The following MRC2 variants were observed in gnomAD, a reference collection of about 807,000 sequenced individuals.
The protein encoded by MRC2 is mannose receptor C-type 2, also known as C-type mannose receptor 2.
A neutral mutation model predicts 206.2 loss-of-function variants in MRC2; 84 were observed. The ratio of observed to expected loss-of-function variants is 0.41; its 90% CI spans 0.34 to 0.49. The LOEUF (loss-of-function observed/expected upper bound fraction) is 0.49, where lower values mean the gene tolerates loss of function less well. Ranked by LOEUF, MRC2 falls within the 20% of genes least tolerant of loss-of-function variation. The pLI, the probability that MRC2 is intolerant of heterozygous loss-of-function variation, is 0.31. For missense variants in MRC2, 1,676 were observed against 2,001.5 expected (o/e 0.84, Z 3.10); for synonymous variants, 798 against 800.0 (o/e 1.00, Z 0.04).
Position 62,676,525 on chromosome 17 carries a change from C to A in MRC2, c.1828C>A (p.Gln610Lys). ...EVMYTHWNRD[Q>K]PGYSRGGCVA... ...CATGTACACCCACTGGAACCGGGAC[C>A]AGCCCGGTGAGCCCCTTATTTGACT... The change falls in exon 11 of 30, where the codon CAG (glutamine) becomes AAG (lysine). Residue 610 changes from glutamine to lysine, a missense_variant. Coordinates refer to ENST00000303375, the MANE Select transcript of MRC2 (RefSeq NM_006039.5). The A allele has an allele frequency of 6.3e-7, 1 of 1,588,194 alleles. No homozygotes were observed. Among genetic ancestry groups the A allele is most frequent in the South Asian group, 1.2e-5 (1 of 86,416 alleles).
At chr17:62,639,827 G>A (rs929963034) in intron 1 of MRC2, among the ~76,000 whole-genome samples, 1 of 151,908 alleles carries the variant, frequency 6.6e-6, no homozygotes, top group Non-Finnish European at 1.5e-5. Context: ...GATTATTTAC[G>A]TAACTTTAAG....
chr17:62,681,895 G>A lies in MRC2; in HGVS notation c.2761G>A (p.Val921Ile), dbSNP rs2088972452. 2 of 1,613,970 alleles carry A rather than the reference G, an allele frequency of 1.2e-6. No individual in the cohort carries two copies. The highest frequency in any genetic ancestry group is 4.5e-5 in the East Asian group (2 of 44,884). The change falls in exon 19 of 30, where the codon GTC becomes ATC. Residue 921 changes from valine (V) to isoleucine (I), a missense_variant. Transcript: ENST00000303375. ...ISWAPGKPRP[V>I]GKDKKCVYMT... ...CTGGGCACCAGGCAAACCTCGGCCT[G>A]TCGGCAAGGACAAGAAGTGCGTGTA...
rs2089058301 is a variant in MRC2 at position 62,688,391 on chromosome 17, C to A, written c.3049C>A (p.Pro1017Thr). ...GGCCCAGCTGGTCACCATCACAAAC[C>A]CCTTAGAGCAAGGTAGGGCCAGCCT... ...QEAQLVTITN[P>T]LEQAFITASL... Residue 1017 changes from proline (P) to threonine (T), a missense_variant, in exon 21 of 30, where the codon CCC becomes ACC. By Grantham distance (38) the Pro-to-Thr change is conservative. Transcript: ENST00000303375. 4 of 1,614,122 alleles carry A rather than the reference C, an allele frequency of 2.5e-6. No homozygotes were observed. Among genetic ancestry groups the A allele is most frequent in the Non-Finnish European group, 3.4e-6 (4 of 1,180,044 alleles).
chr17:62,680,852 C>A lies in MRC2; in HGVS notation c.2526C>A (p.His842Gln), dbSNP rs1598993400. 5 of 1,613,048 alleles carry A rather than the reference C, an allele frequency of 3.1e-6. No homozygotes were observed. The East Asian group carries it at 1.1e-4, about 36-fold the overall frequency. Residue 842 changes from histidine to glutamine, a missense_variant, in exon 17 of 30, where the codon CAC (histidine) becomes CAA (glutamine). By Grantham distance (24) the His-to-Gln change is conservative. Around this residue, in one of 3 missense-constraint regions of MRC2, gnomAD observed 1,354 missense variants for 1,636.6 expected, o/e 0.83. Transcript: ENST00000303375. The surrounding 1 kb of genome is among the most constrained non-coding windows in gnomAD (Gnocchi z 4.8). ...FQEAEYKFFEHHSTWAQAQRI... is the reference protein window; with the variant it reads ...FQEAEYKFFEQHSTWAQAQRI... ...AGGCCGAGTACAAGTTCTTTGAGCA[C>A]CACTCCACGTGGGCGCAGGCGCAGC...
intron 1 of MRC2, among the ~76,000 whole-genome samples, chr17:62,638,976 T>A (rs767878942): frequency 1.1e-4 from 16 of 152,134 alleles, no homozygotes; most frequent in Non-Finnish European, 2.2e-4. Context: ...TAATTAGAAA[T>A]TTTAATTTCA....
chr17:62,647,955 C>T (rs1376350618), intron 1 of MRC2, among the ~76,000 whole-genome samples: 16 of 152,180 alleles, frequency 1.1e-4, no homozygotes, highest in Admixed American at 1.0e-3. Flanking sequence ...TTGGTCTACG[C>T]AGTGGACAGG....
At chr17:62,653,889 C>A (rs890686164) in intron 1 of MRC2, among the ~76,000 whole-genome samples, 2 of 152,010 alleles carry the variant, frequency 1.3e-5, no homozygotes, top group African/African-American at 2.4e-5. Context: ...AGCAATGCCC[C>A]CCTCGTCCAG....
At position 62,666,366 on chromosome 17, in the gene MRC2, C is replaced by G; in HGVS notation, c.695-89C>G. The stretch of plus-strand genomic sequence containing the variant: ...CCAGGGTGAGATACTGCCCCCTCCC[C>G]TACCTAGTGTAGCCTTTTGGTGGGG... On this transcript the variant is annotated intron_variant, in intron 3 of 29. Transcript: ENST00000303375. This position sits in a 1 kb window ranked among gnomAD's most constrained non-coding sequence, Gnocchi z 5.0. 6.3e-7 allele frequency: 1 copy of G among 1,595,072 alleles called. No individual in the cohort carries two copies. The highest frequency in any genetic ancestry group is 8.5e-7 in the Non-Finnish European group (1 of 1,172,598).
intron 2 of MRC2, among the ~76,000 whole-genome samples, chr17:62,665,184 G>T (rs1181874624): frequency 6.6e-6 from 1 of 152,208 alleles, no homozygotes; most frequent in African/African-American, 2.4e-5. Flanking sequence ...TGGATCACTT[G>T]AGGTCAGGAG....
chr17:62,665,087 C>G lies in MRC2; in HGVS notation c.520+138C>G, dbSNP rs1598982930. On this transcript the variant is annotated intron_variant, in intron 2 of 29. Coordinates refer to ENST00000303375, the MANE Select transcript of MRC2 (RefSeq NM_006039.5). ...TCACATGTTTAATTATAATAGGAAG[C>G]ATTTTTTAATAATTAAGAAAATTAA... 11 of 988,112 alleles carry G rather than the reference C, an allele frequency of 1.1e-5. No homozygotes were observed. The South Asian group carries it at 1.7e-4, about 15-fold the overall frequency. The allele number at this position is 988,112 out of a possible 1,614,324, so 61.2% of individuals were successfully genotyped here. A position where few individuals can be genotyped will look rare whatever the true frequency, so the allele number is the denominator to read the frequency against.
intron 1 of MRC2, among the ~76,000 whole-genome samples, chr17:62,649,381 G>A (rs1361041446): frequency 2.0e-5 from 3 of 152,092 alleles, no homozygotes; most frequent in Admixed American, 1.3e-4. Flanking sequence ...ACTTGAGGTC[G>A]GGAGTTCAAG....
In MRC2 at chr17:62,689,553, G is replaced by GC. The variant is rs748528787; in HGVS notation, c.3372dup (p.Ala1125ArgfsTer5). On this transcript the variant is annotated frameshift_variant, in exon 24 of 30. Coordinates refer to ENST00000303375, the MANE Select transcript of MRC2 (RefSeq NM_006039.5). LOFTEE classifies it high-confidence loss of function. ...CCCTGAGCCCGTCCCCAGCAGCGCT[G>GC]CCCCCCGCCCCGGGCACTGAGCTCT... The GC allele has an allele frequency of 1.3e-6, 2 of 1,591,874 alleles. No homozygotes were observed. Among genetic ancestry groups the GC allele is most frequent in the Non-Finnish European group, 1.7e-6 (2 of 1,168,664 alleles).
At position 62,680,898 on chromosome 17, in the gene MRC2, G is replaced by A. The variant is rs775274461; in HGVS notation, c.2572G>A (p.Ala858Thr). The change falls in exon 17 of 30, where the codon GCC (alanine) becomes ACC (threonine). Residue 858 changes from alanine (A) to threonine (T), a missense_variant. Physicochemically the swap from Ala to Thr is moderately conservative, Grantham distance 58. Transcript: ENST00000303375. The surrounding 1 kb of genome is among the most constrained non-coding windows in gnomAD (Gnocchi z 4.8). ...GCAGCGCATCTGCACGTGGTTCCAGGCCGAGCTGACCTCGGTGCACAGCCA... is the reference window on the plus strand; with the variant it reads ...GCAGCGCATCTGCACGTGGTTCCAGACCGAGCTGACCTCGGTGCACAGCCA... ...QAQRICTWFQ[A>T]ELTSVHSQAE... 1 of 1,613,224 alleles carries A rather than the reference G, an allele frequency of 6.2e-7. No individual in the cohort carries two copies. Among genetic ancestry groups the A allele is most frequent in the East Asian group, 2.2e-5 (1 of 44,886 alleles).
At position 62,652,742 on chromosome 17, in the gene MRC2, C is replaced by T. The variant is rs1211413819; in HGVS notation, c.119-11806C>T. 1.6e-5 allele frequency among the ~76,000 whole-genome samples: 2 copies of T among 125,770 alleles called. No individual in the cohort carries two copies. The highest frequency in any genetic ancestry group is 6.1e-5 in the African/African-American group (2 of 33,042). 82.5% of individuals were successfully genotyped at this position (125,770 alleles called of 152,430 possible). ...GGGCGCCCAGTGGAGAGGGGGCTCA[C>T]GGTGACAGAGGAAGTGGCGCCGCTT... On this transcript the variant is annotated intron_variant, in intron 1 of 29. Transcript: ENST00000303375. The surrounding 1 kb of genome is among the most constrained non-coding windows in gnomAD (Gnocchi z 4.6).
rs185686878 is a variant in MRC2 at position 62,692,022 on chromosome 17, G to A, written c.4193-90G>A. 38 of 1,571,704 alleles carry A rather than the reference G, an allele frequency of 2.4e-5. No individual in the cohort carries two copies. Among genetic ancestry groups the A allele is most frequent in the South Asian group, 1.9e-4 (17 of 89,080 alleles). On this transcript the variant is annotated intron_variant, in intron 28 of 29. Coordinates refer to ENST00000303375, the MANE Select transcript of MRC2 (RefSeq NM_006039.5). This position sits in a 1 kb window ranked among gnomAD's most constrained non-coding sequence, Gnocchi z 4.2. ...GAGCCTCTTTCTCCCCAGACCTCCC[G>A]GCCCAGGCCTGTGTGCTTTGTATGT...
intron 1 of MRC2, among the ~76,000 whole-genome samples, chr17:62,653,267 A>G (rs1404320491): frequency 6.6e-6 from 1 of 152,058 alleles, no homozygotes; most frequent in Admixed American, 6.5e-5. Context: ...GAGATCAAAC[A>G]CCATGACACT....
intron 1 of MRC2, among the ~76,000 whole-genome samples, chr17:62,640,977 A>G (rs7210475): frequency 0.71 from 107,732 of 151,474 alleles, 39,209 homozygotes; most frequent in African/African-American, 0.87. Flanking sequence ...CAAAGTGCTG[A>G]GATTACAGGC....
intron 12 of MRC2, 23 bp downstream of exon 12, chr17:62,677,509 TAGGGGGC>T: frequency 6.4e-7 from 1 of 1,572,862 alleles, no homozygotes; most frequent in Non-Finnish European, 8.7e-7. Flanking sequence ...GTTGGCCGGG[TAGGGGGC>T]AGGGGGAGGA....
intron 1 of MRC2, among the ~76,000 whole-genome samples, chr17:62,662,081 C>T (rs2088687565): frequency 6.6e-6 from 1 of 151,970 alleles, no homozygotes; most frequent in African/African-American, 2.4e-5. Flanking sequence ...AACACTGTCT[C>T]TACTAAAAAT....
Sources: allele counts gnomAD v4.1 joint callset (sites outside exome capture counted in the v4.1 genomes callset), GRCh38; gene constraint gnomAD v4.1.1; regional missense constraint gnomAD v4.1.1; non-coding constraint Gnocchi (gnomAD v3.1); transcripts MANE v1.5; gene names NCBI Gene and HGNC (gene_info 2026-07-23, HGNC 2026-07-21).